The following DMD variants were observed in gnomAD, a reference collection of about 807,000 sequenced individuals.
The protein encoded by DMD is mutant dystrophin.
Under a neutral mutation model 330.1 loss-of-function variants are expected in DMD, and 63 were observed. The ratio of observed to expected loss-of-function variants is 0.19; its 90% confidence interval spans 0.16 to 0.24. The LOEUF is 0.24. Ranked by LOEUF, DMD falls within the 10% of genes least tolerant of loss-of-function variation. DMD has a pLI of 1.00. For missense variants in DMD, 3,344 were observed against 2,684.1 expected (o/e 1.25, Z -5.43); for synonymous variants, 1,223 against 959.8 (o/e 1.27, Z -5.07).
intron 30 of DMD, among the ~76,000 whole-genome samples, chrX:32,399,219 G>C: frequency 9.0e-6 from 1 of 111,495 alleles, no homozygotes; most frequent in East Asian, 2.8e-4. Flanking sequence ...GGCAACCAAA[G>C]CAAAAATGGA....
At chrX:32,174,413 T>C (rs1230785799) in intron 44 of DMD, among the ~76,000 whole-genome samples, 1 of 112,445 alleles carries the variant, frequency 8.9e-6, no homozygotes, top group Non-Finnish European at 1.9e-5. Context: ...AGCTCTGAAG[T>C]GAGAGTCTGC....
intron 1 of DMD, chrX:33,086,025 T>C (rs1422663444): frequency 8.9e-6 from 1 of 112,238 alleles, no homozygotes; most frequent in Non-Finnish European, 1.9e-5. Flanking sequence ...TTGACTAAAA[T>C]ATGTGATAAC....
intron 73 of DMD, 138 bp downstream of exon 73, chrX:31,172,210 A>G: frequency 1.9e-6 from 1 of 533,720 alleles, no homozygotes; most frequent in Admixed American, 3.0e-5. Flanking sequence ...GAATTAAAGG[A>G]AAAAAGTAAA....
At chrX:32,794,034 A>T (rs2076010385) in intron 7 of DMD, among the ~76,000 whole-genome samples, 1 of 111,879 alleles carries the variant, frequency 8.9e-6, no homozygotes, top group South Asian at 3.7e-4. Context: ...TAATATTATC[A>T]AGTGGAATTT....
intron 47 of DMD, among the ~76,000 whole-genome samples, chrX:31,929,288 T>C: frequency 8.9e-6 from 1 of 111,959 alleles, no homozygotes; most frequent in East Asian, 2.8e-4. Context: ...ATACTGTCAG[T>C]ACATGCCTGG....
At chrX:32,763,738 T>A (rs778660035) in intron 7 of DMD, among the ~76,000 whole-genome samples, 1 of 111,774 alleles carries the variant, frequency 8.9e-6, no homozygotes. Context: ...TACGTCAAAT[T>A]CCAATTAACA....
intron 60 of DMD, among the ~76,000 whole-genome samples, chrX:31,442,345 T>G (rs958980082): frequency 1.3e-4 from 14 of 111,523 alleles, no homozygotes; most frequent in African/African-American, 4.6e-4. Flanking sequence ...TGGCTGAGCT[T>G]AAGTTTGAAG....
chrX:31,831,789 A>G (rs914079887), intron 49 of DMD, among the ~76,000 whole-genome samples: 5 of 111,456 alleles, frequency 4.5e-5, no homozygotes, highest in Non-Finnish European at 9.4e-5. Flanking sequence ...TTTTTAGTAG[A>G]GATGGGGTTT....
chrX:32,586,009 A>G (rs755417914), intron 13 of DMD, among the ~76,000 whole-genome samples: 1 of 111,139 alleles, frequency 9.0e-6, no homozygotes, highest in Non-Finnish European at 1.9e-5. Flanking sequence ...CTTACAGCAC[A>G]TTGGCTTTGG....
intron 44 of DMD, among the ~76,000 whole-genome samples, chrX:32,078,286 C>T (rs1286548525): frequency 1.8e-5 from 2 of 111,831 alleles, no homozygotes; most frequent in Non-Finnish European, 3.8e-5. Flanking sequence ...CCAATTAAGC[C>T]TTGTTGACTA....
At chrX:32,492,864 C>A (rs1232114041) in intron 19 of DMD, among the ~76,000 whole-genome samples, 1 of 111,639 alleles carries the variant, frequency 9.0e-6, no homozygotes, top group African/African-American at 3.3e-5. Context: ...CCTCATGTAC[C>A]TACAGAGATC....
At chrX:32,728,336 G>A (rs996516497) in intron 7 of DMD, among the ~76,000 whole-genome samples, 15 of 111,756 alleles carry the variant, frequency 1.3e-4, no homozygotes, top group Non-Finnish European at 7.5e-5. Flanking sequence ...ACAACCCAAT[G>A]TTGTAATACA....
intron 7 of DMD, among the ~76,000 whole-genome samples, chrX:32,792,642 C>T (rs1182120345): frequency 3.6e-5 from 4 of 111,751 alleles, no homozygotes; most frequent in Non-Finnish European, 7.5e-5. Flanking sequence ...TTATGCAAAC[C>T]GAAGCCAAAG....
chrX:31,729,248 A>C (rs2086317911), intron 52 of DMD, among the ~76,000 whole-genome samples: 1 of 111,248 alleles, frequency 9.0e-6, no homozygotes, highest in Admixed American at 9.5e-5. Flanking sequence ...TGGCCCAGGA[A>C]GAAGCCACTG....
chrX:33,009,286 GTGTGTATA>G lies in DMD; in HGVS notation c.93+10845_93+10852del, dbSNP rs1399193721. Among the ~76,000 whole-genome samples, 26 of 28,447 alleles carry G rather than the reference GTGTGTATA, an allele frequency of 9.1e-4. 7 individuals carry two copies. Among genetic ancestry groups the G allele is most frequent in the African/African-American group, 2.0e-3 (20 of 10,141 alleles). 24.7% of individuals were successfully genotyped at this position (28,447 alleles called of 115,157 possible). On this transcript the variant is annotated intron_variant, in intron 2 of 78. Transcript: ENST00000357033. ...TGTGTATATATACACATATGTGTAT[GTGTGTATA>G]TGTGTATATACACATGTGTGTATAT...
chrX:31,542,640 G>A (rs1456800434), intron 55 of DMD, among the ~76,000 whole-genome samples: 2 of 112,270 alleles, frequency 1.8e-5, no homozygotes, highest in Non-Finnish European at 3.8e-5. Context: ...GTCTGTGAAA[G>A]TGTCAGGGAA....
intron 43 of DMD, among the ~76,000 whole-genome samples, chrX:32,268,656 CTGAGACACTCA>C (rs2097353618): frequency 8.9e-6 from 1 of 111,871 alleles, no homozygotes; most frequent in Admixed American, 9.5e-5. Flanking sequence ...AGAACCCAAA[CTGAGACACTCA>C]TAATGCAAGA....
chrX:32,208,136 A>G (rs977943954), intron 44 of DMD, among the ~76,000 whole-genome samples: 2 of 111,748 alleles, frequency 1.8e-5, no homozygotes, highest in Non-Finnish European at 3.8e-5. Context: ...TACCAAAAAA[A>G]CTTTTAATAG....
In DMD at chrX:32,837,540, A is replaced by G. The variant is rs1449792645; in HGVS notation, c.264+7243T>C. ...CTTAGGTTTAGATGTAGTAAAGGTT[A>G]TTAACTCATGTGAATCCCTGCATTC... On this transcript the variant is annotated intron_variant, in intron 4 of 78. Coordinates refer to ENST00000357033, the MANE Select transcript of DMD (RefSeq NM_004006.3). Among the ~76,000 whole-genome samples the G allele has an allele frequency of 3.6e-5, 4 of 111,679 alleles. No individual in the cohort carries two copies. The Admixed American group carries it at 3.8e-4, about 11-fold the overall frequency.
Sources: gnomAD v4.1 joint callset for allele counts (sites outside exome capture counted in the v4.1 genomes callset) on GRCh38, gnomAD v4.1.1 for gene constraint, MANE v1.5 for transcripts, NCBI Gene and HGNC (gene_info 2026-07-23, HGNC 2026-07-21) for gene names.